SPIDR: variants seen among roughly 807,000 people sequenced by gnomAD.
SPIDR encodes scaffold protein involved in DNA repair.
A neutral mutation model predicts 104.6 loss-of-function variants in SPIDR; 93 were observed. The ratio of observed to expected loss-of-function variants is 0.89; its 90% confidence interval spans 0.75 to 1.06. SPIDR has a LOEUF of 1.06. SPIDR is among the 50% of genes least tolerant of loss of function. The pLI is 0.00. For missense variants in SPIDR, 1,154 were observed against 1,111.2 expected, an observed-to-expected ratio of 1.04 and a Z score of -0.55; for synonymous variants, 431 against 416.9, an observed-to-expected ratio of 1.03 and a Z score of -0.41.
At chr8:47,338,440 G>A (rs1212937822) in intron 5 of SPIDR, among the ~76,000 whole-genome samples, 2 of 152,122 alleles carry the variant, frequency 1.3e-5, no homozygotes, top group African/African-American at 4.8e-5. Context: ...GATTGAACCA[G>A]CATTAAATAA....
intron 10 of SPIDR, among the ~76,000 whole-genome samples, chr8:47,634,680 T>C (rs2067609539): frequency 1.3e-5 from 2 of 152,148 alleles, no homozygotes; most frequent in African/African-American, 4.8e-5. Flanking sequence ...GGCCTGGCTG[T>C]GGTACCCCTG....
At chr8:47,630,629 C>T (rs1174430115) in intron 10 of SPIDR, among the ~76,000 whole-genome samples, 3 of 152,158 alleles carry the variant, frequency 2.0e-5, no homozygotes, top group Non-Finnish European at 1.5e-5. Context: ...TTCTGAGAAG[C>T]GTAGTTGGCC....
chr8:47,423,724 C>A (rs527709820), intron 7 of SPIDR, among the ~76,000 whole-genome samples: 1 of 152,332 alleles, frequency 6.6e-6, no homozygotes, highest in East Asian at 1.9e-4. Context: ...CCAGATCATG[C>A]AGGGCCTGGA....
At chr8:47,602,069 A>G (rs1424542784) in intron 10 of SPIDR, among the ~76,000 whole-genome samples, 2 of 152,274 alleles carry the variant, frequency 1.3e-5, no homozygotes, top group Non-Finnish European at 2.9e-5. Context: ...CCTTCGAGAC[A>G]CATTTAGCAG....
rs1478070814 is a variant in SPIDR, at chr8:47,551,556, G to C, written c.1098-44255G>C. Among the ~76,000 whole-genome samples, 4 of 152,094 alleles carry C rather than the reference G, an allele frequency of 2.6e-5. No homozygotes were observed. In the East Asian group the frequency reaches 7.7e-4, roughly 29 times the overall value. Reference sequence around the variant, plus strand: ...CTTCTAGATTTTCTAGTTTATTTGTGTAGAGGTGTTTATAGTATTCTCTGA... The same window carrying C: ...CTTCTAGATTTTCTAGTTTATTTGTCTAGAGGTGTTTATAGTATTCTCTGA... On this transcript the variant is annotated intron_variant, in intron 8 of 19. Transcript: ENST00000297423.
chr8:47,711,070 T>C (rs766779473), intron 14 of SPIDR, among the ~76,000 whole-genome samples: 2 of 152,200 alleles, frequency 1.3e-5, no homozygotes, highest in Non-Finnish European at 2.9e-5. Flanking sequence ...AGCCCACTTA[T>C]TAAATATCAG....
At chr8:47,292,090 C>A (rs2040008363) in intron 4 of SPIDR, among the ~76,000 whole-genome samples, 1 of 152,166 alleles carries the variant, frequency 6.6e-6, no homozygotes. Flanking sequence ...GGACAAAAAT[C>A]ACCCCTAGTT....
intron 11 of SPIDR, among the ~76,000 whole-genome samples, chr8:47,684,407 C>T (rs2077488592): frequency 6.6e-6 from 1 of 152,160 alleles, no homozygotes; most frequent in African/African-American, 2.4e-5. Flanking sequence ...GCATCCTGAT[C>T]ACTGAGGGGA....
intron 8 of SPIDR, among the ~76,000 whole-genome samples, chr8:47,530,668 A>G (rs1243587969): frequency 1.3e-5 from 2 of 152,130 alleles, no homozygotes; most frequent in African/African-American, 2.4e-5. Flanking sequence ...ATTACTATGC[A>G]CTACTGTAGA....
chr8:47,377,626 A>G (rs569180789), intron 5 of SPIDR, among the ~76,000 whole-genome samples: 14 of 152,364 alleles, frequency 9.2e-5, no homozygotes, highest in African/African-American at 2.9e-4. Flanking sequence ...GTGACTGACC[A>G]CAGCTACTGA....
At chr8:47,731,982 G>A (rs1045150964) in intron 19 of SPIDR, 11 of 593,902 alleles carry the variant, frequency 1.9e-5, no homozygotes, top group African/African-American at 1.7e-4. Flanking sequence ...TCTTGGGCAT[G>A]GCACACAGCT....
chr8:47,310,178 CA>C (rs1563562474), intron 5 of SPIDR, among the ~76,000 whole-genome samples: 1 of 145,198 alleles, frequency 6.9e-6, no homozygotes, highest in Non-Finnish European at 1.5e-5. Flanking sequence ...ACTAAAAATA[CA>C]AAAAATTAGC....
At chr8:47,710,743 CAGGCATGAG>C (rs1421829017) in intron 14 of SPIDR, among the ~76,000 whole-genome samples, 2 of 152,112 alleles carry the variant, frequency 1.3e-5, no homozygotes, top group East Asian at 3.9e-4. Context: ...GCTGAGATTA[CAGGCATGAG>C]CCACCACGAC....
At chr8:47,701,026 A>G (rs905328750) in intron 12 of SPIDR, among the ~76,000 whole-genome samples, 22 of 152,204 alleles carry the variant, frequency 1.4e-4, no homozygotes, top group African/African-American at 5.3e-4. Flanking sequence ...CCAGCAGGCT[A>G]GCCAGCTGCT....
At chr8:47,660,283 A>G (rs760974748) in intron 10 of SPIDR, among the ~76,000 whole-genome samples, 1 of 152,226 alleles carries the variant, frequency 6.6e-6, no homozygotes, top group Non-Finnish European at 1.5e-5. Flanking sequence ...AGAAAAGGAA[A>G]AAAAAATTCT....
intron 10 of SPIDR, among the ~76,000 whole-genome samples, chr8:47,658,653 G>A (rs1033673863): frequency 6.6e-6 from 1 of 151,628 alleles, no homozygotes; most frequent in African/African-American, 2.4e-5. Flanking sequence ...GGCCTTTCTC[G>A]GCCAGACTTG....
chr8:47,343,955 T>G lies in SPIDR; in HGVS notation c.525+49925T>G, dbSNP rs148539565. On this transcript the variant is annotated intron_variant, in intron 5 of 19. Coordinates refer to ENST00000297423, the MANE Select transcript of SPIDR (RefSeq NM_001080394.4). Reference sequence around the variant, plus strand: ...TACTGGGCCATTTTATGTATTTTGTTGGCTTTTTCTTTTTTTTTTTATTAT... The same window carrying G: ...TACTGGGCCATTTTATGTATTTTGTGGGCTTTTTCTTTTTTTTTTTATTAT... Among the ~76,000 whole-genome samples the G allele has an allele frequency of 3.0e-3, 460 of 151,936 alleles. 3 individuals are homozygous for G. Among genetic ancestry groups the G allele is most frequent in the African/African-American group, 0.011 (437 of 41,484 alleles).
intron 8 of SPIDR, among the ~76,000 whole-genome samples, chr8:47,586,102 A>G (rs1274698296): frequency 2.0e-5 from 3 of 152,198 alleles, no homozygotes; most frequent in Non-Finnish European, 4.4e-5. Context: ...ATTCCATGAT[A>G]TGGATTTAAC....
chr8:47,653,710 T>C (rs1413859933), intron 10 of SPIDR, among the ~76,000 whole-genome samples: 1 of 152,184 alleles, frequency 6.6e-6, no homozygotes, highest in African/African-American at 2.4e-5. Context: ...ACATATATTA[T>C]CTATAATGCA....
Sources: allele counts gnomAD v4.1 joint callset (sites outside exome capture counted in the v4.1 genomes callset), GRCh38; gene constraint gnomAD v4.1.1; transcripts MANE v1.5; gene names NCBI Gene and HGNC (gene_info 2026-07-23, HGNC 2026-07-21).